Variants in PHACTR3 observed in about 807,000 individuals in gnomAD.
PHACTR3 encodes the protein phosphatase and actin regulator 3.
Under a neutral mutation model 66.8 loss-of-function variants are expected in PHACTR3, and 16 were observed. That is an observed-to-expected ratio of 0.24 (90% confidence interval 0.16 to 0.36). The LOEUF (loss-of-function observed/expected upper bound fraction) is 0.36. Among genes scored for constraint, PHACTR3 ranks in the 10% least tolerant of loss-of-function variants. The pLI is 1.00. For missense variants in PHACTR3, 647 were observed against 719.9 expected (o/e 0.90, Z 1.16); for synonymous variants, 323 against 292.1 (o/e 1.11, Z -1.08).
intron 1 of PHACTR3, among the ~76,000 whole-genome samples, chr20:59,661,762 C>A (rs1449703108): frequency 6.6e-6 from 1 of 151,948 alleles, no homozygotes; most frequent in Non-Finnish European, 1.5e-5. Flanking sequence ...CAGCGACAGA[C>A]CTGCCTCTCG....
intron 1 of PHACTR3, among the ~76,000 whole-genome samples, chr20:59,605,409 C>T (rs1223831659): frequency 1.3e-5 from 2 of 152,222 alleles, no homozygotes; most frequent in African/African-American, 4.8e-5. Flanking sequence ...AGGAGGCTTC[C>T]TTTCCTCGGG....
At chr20:59,806,336 G>A (rs2146999139) in intron 8 of PHACTR3, 142 bp downstream of exon 8, 1 of 1,094,482 alleles carries the variant, frequency 9.1e-7, no homozygotes, top group Non-Finnish European at 1.3e-6. Context: ...CGCCACCGTT[G>A]ACGTTTGGGG....
intron 1 of PHACTR3, among the ~76,000 whole-genome samples, chr20:59,684,786 G>A (rs985883894): frequency 6.6e-6 from 1 of 152,222 alleles, no homozygotes; most frequent in Non-Finnish European, 1.5e-5. Flanking sequence ...AGGCATTTGG[G>A]AGATGCTCTG....
chr20:59,754,167 A>G (rs1360486309), intron 3 of PHACTR3, among the ~76,000 whole-genome samples: 2 of 152,230 alleles, frequency 1.3e-5, no homozygotes, highest in Non-Finnish European at 2.9e-5. Context: ...GCCATCCTGC[A>G]GTTGGGTAAC....
At chr20:59,678,831 T>C (rs1023459237) in intron 1 of PHACTR3, among the ~76,000 whole-genome samples, 13 of 152,222 alleles carry the variant, frequency 8.5e-5, no homozygotes, top group African/African-American at 3.1e-4. Flanking sequence ...TCCTCCTCCT[T>C]CTGCCGGACC....
intron 1 of PHACTR3, among the ~76,000 whole-genome samples, chr20:59,616,683 C>G (rs1353497881): frequency 6.6e-6 from 1 of 152,220 alleles, no homozygotes; most frequent in Non-Finnish European, 1.5e-5. Context: ...CCCTGGGTTC[C>G]TTAGGGTTGC....
intron 2 of PHACTR3, among the ~76,000 whole-genome samples, chr20:59,746,566 G>C (rs555564873): frequency 4.1e-4 from 63 of 152,350 alleles, no homozygotes; most frequent in African/African-American, 1.2e-3. Context: ...CCAGCACCCA[G>C]CTCAGCACTT....
intron 1 of PHACTR3, among the ~76,000 whole-genome samples, chr20:59,688,490 G>A (rs6027041): frequency 0.06 from 9,121 of 152,150 alleles, 892 homozygotes; most frequent in African/African-American, 0.2. Context: ...TTTATCTTTT[G>A]GATTCTGAGA....
chr20:59,794,434 G>A (rs1335203674), intron 7 of PHACTR3, among the ~76,000 whole-genome samples: 1 of 152,060 alleles, frequency 6.6e-6, no homozygotes, highest in South Asian at 2.1e-4. Context: ...ATGTGTTGTT[G>A]AATCTAGTTT....
At chr20:59,825,941 T>A (rs537705202) in intron 8 of PHACTR3, among the ~76,000 whole-genome samples, 1 of 152,254 alleles carries the variant, frequency 6.6e-6, no homozygotes, top group East Asian at 1.9e-4. Flanking sequence ...GAGGGCTGCA[T>A]TGCTCCCTCC....
chr20:59,673,524 G>A (rs1336684063), intron 1 of PHACTR3, among the ~76,000 whole-genome samples: 1 of 152,124 alleles, frequency 6.6e-6, no homozygotes, highest in Non-Finnish European at 1.5e-5. Flanking sequence ...GGGCTTCTGG[G>A]GCCCTGAATG....
At chr20:59,629,378 G>T (rs4810175) in intron 1 of PHACTR3, among the ~76,000 whole-genome samples, 2 of 152,166 alleles carry the variant, frequency 1.3e-5, no homozygotes, top group Admixed American at 1.3e-4. Context: ...TTCTCCCTCC[G>T]CTGTTCTGGC....
intron 1 of PHACTR3, among the ~76,000 whole-genome samples, chr20:59,593,632 A>G (rs73299588): frequency 0.014 from 2,195 of 151,962 alleles, 57 homozygotes; most frequent in African/African-American, 0.049. Flanking sequence ...ACAGTTTTAT[A>G]TTTTACATTT....
At chr20:59,677,062 A>G (rs894144229) in intron 1 of PHACTR3, among the ~76,000 whole-genome samples, 5 of 152,102 alleles carry the variant, frequency 3.3e-5, no homozygotes, top group African/African-American at 1.2e-4. Context: ...TTTTGTTTGC[A>G]TGTGAATGGT....
intron 2 of PHACTR3, among the ~76,000 whole-genome samples, chr20:59,746,514 C>T (rs1040305037): frequency 4.6e-5 from 7 of 152,356 alleles, no homozygotes; most frequent in Admixed American, 2.6e-4. Flanking sequence ...CCAGTGGAGC[C>T]CCACCTGTGA....
At chr20:59,622,992 A>AAAAAAAAAAAAAAAAAAAAAAAAC (rs1371507011) in intron 1 of PHACTR3, among the ~76,000 whole-genome samples, 2 of 145,270 alleles carry the variant, frequency 1.4e-5, no homozygotes, top group Non-Finnish European at 3.0e-5. Flanking sequence ...AAAAAAAAAA[A>AAAAAAAAAAAAAAAAAAAAAAAAC]AAAAAAAAAC....
At chr20:59,593,490 C>CT (rs59197467) in intron 1 of PHACTR3, among the ~76,000 whole-genome samples, 35 of 147,736 alleles carry the variant, frequency 2.4e-4, no homozygotes, top group Middle Eastern at 3.5e-3. Flanking sequence ...ACAAAGTAGA[C>CT]TTTTTTTTTT....
intron 8 of PHACTR3, among the ~76,000 whole-genome samples, chr20:59,831,368 T>G (rs2042370412): frequency 6.6e-6 from 1 of 152,154 alleles, no homozygotes; most frequent in South Asian, 2.1e-4. Flanking sequence ...AGGGACCAGG[T>G]AGGGAGACCG....
intron 1 of PHACTR3, among the ~76,000 whole-genome samples, chr20:59,721,796 T>C (rs1423066442): frequency 6.6e-6 from 1 of 152,170 alleles, no homozygotes; most frequent in Non-Finnish European, 1.5e-5. Context: ...TCAACTGAAA[T>C]GTATTGAGCC....
Sources: allele counts gnomAD v4.1 joint callset (sites outside exome capture counted in the v4.1 genomes callset), GRCh38; gene constraint gnomAD v4.1.1; transcripts MANE v1.5; gene names NCBI Gene and HGNC (gene_info 2026-07-23, HGNC 2026-07-21).